The following FRMPD2 variants were observed in gnomAD, a reference collection of about 807,000 sequenced individuals.
The protein encoded by FRMPD2 is FERM and PDZ domain containing 2.
FRMPD2 carries 96 observed loss-of-function variants against 140.1 expected under a neutral mutation model. The observed-to-expected ratio is 0.69, with a 90% confidence interval of 0.58 to 0.81. The LOEUF (loss-of-function observed/expected upper bound fraction) is 0.81. FRMPD2 is among the 40% of genes least tolerant of loss of function. The pLI is 0.00. For synonymous variants in FRMPD2, 449 were observed against 547.6 expected (o/e 0.82, Z 2.52); for missense variants, 1,240 against 1,447.4 (o/e 0.86, Z 2.32).
chr10:48,247,999 G>A (rs1458368219), intron 3 of FRMPD2, among the ~76,000 whole-genome samples: 1 of 152,192 alleles, frequency 6.6e-6, no homozygotes, highest in Non-Finnish European at 1.5e-5. Context: ...TTTCACTTTT[G>A]TGGGCTGACT....
At chr10:48,210,775 G>A (rs992985105) in intron 13 of FRMPD2, among the ~76,000 whole-genome samples, 18 of 152,344 alleles carry the variant, frequency 1.2e-4, no homozygotes, top group African/African-American at 3.8e-4. Context: ...ATGACCAGCT[G>A]AAAAGCAAAG....
At chr10:48,186,808 G>A (rs1435067469) in intron 17 of FRMPD2, among the ~76,000 whole-genome samples, 1 of 152,228 alleles carries the variant, frequency 6.6e-6, no homozygotes, top group African/African-American at 2.4e-5. Context: ...TGGCCAGGAG[G>A]ATGCATGGCT....
rs780280546 is a variant in FRMPD2, at chr10:48,212,002, C to T, written c.1563G>A (p.Arg521=). The change falls in exon 13 of 29, where the codon CGG becomes CGA. Residue 521 remains arginine (R), a synonymous_variant. Coordinates refer to ENST00000374201, the MANE Select transcript of FRMPD2 (RefSeq NM_001018071.4). ...RVQVEVSEMH[R]LSSALWGEDA... Reference sequence around the variant, plus strand: ...CCTCTCCCCACAGTGCAGAGCTGAGCCGGTGCATCTCTGAGACTTCAACCT... The same window carrying T: ...CCTCTCCCCACAGTGCAGAGCTGAGTCGGTGCATCTCTGAGACTTCAACCT... 1.2e-6 allele frequency: 2 copies of T among 1,614,062 alleles called. No individual in the cohort carries two copies. The highest frequency in any genetic ancestry group is 1.1e-5 in the South Asian group (1 of 91,058).
chr10:48,222,294 C>T lies in FRMPD2; in HGVS notation c.1455+19G>A. On this transcript the variant is annotated intron_variant, in intron 12 of 28. Coordinates refer to ENST00000374201, the MANE Select transcript of FRMPD2 (RefSeq NM_001018071.4). Reference sequence around the variant, plus strand: ...TTTTCCAGTGACCCCACACAAAGGCCCCTGGTGTTCACCCCTACCTCCTTA... The same window carrying T: ...TTTTCCAGTGACCCCACACAAAGGCTCCTGGTGTTCACCCCTACCTCCTTA... 1 of 1,610,726 alleles carries T rather than the reference C, an allele frequency of 6.2e-7. No individual in the cohort carries two copies. The highest frequency in any genetic ancestry group is 8.5e-7 in the Non-Finnish European group (1 of 1,178,798).
At chr10:48,272,395 A>G (rs1190268844) in intron 1 of FRMPD2, among the ~76,000 whole-genome samples, 2 of 152,200 alleles carry the variant, frequency 1.3e-5, no homozygotes, top group Non-Finnish European at 2.9e-5. Context: ...TATTATAAAA[A>G]TCTCCAATTA....
intron 28 of FRMPD2, among the ~76,000 whole-genome samples, chr10:48,159,747 C>T (rs1379433894): frequency 5.9e-5 from 9 of 151,506 alleles, no homozygotes; most frequent in Middle Eastern, 3.2e-3. Context: ...GTTGAACTTA[C>T]GTGCATTTTA....
intron 16 of FRMPD2, 57 bp downstream of exon 16, chr10:48,192,627 T>G (rs1461157973): frequency 6.9e-7 from 1 of 1,443,808 alleles, no homozygotes; most frequent in Non-Finnish European, 9.7e-7. Context: ...TACAGATCAC[T>G]GCAAACCATC....
chr10:48,166,636 G>GT (rs1473058232), intron 27 of FRMPD2, among the ~76,000 whole-genome samples: 1 of 95,648 alleles, frequency 1.0e-5, no homozygotes, highest in African/African-American at 4.3e-5. Flanking sequence ...AAACATCCAA[G>GT]TGGGTTCCCA....
intron 14 of FRMPD2, among the ~76,000 whole-genome samples, chr10:48,202,348 T>G (rs1416679074): frequency 6.6e-6 from 1 of 152,190 alleles, no homozygotes; most frequent in Non-Finnish European, 1.5e-5. Flanking sequence ...CTCTTTTAAT[T>G]CCTGATAGTC....
In FRMPD2 at chr10:48,222,402, G is replaced by A; in HGVS notation, c.1366C>T (p.Leu456=). The change falls in exon 12 of 29, where the codon CTG becomes TTG. Residue 456 remains leucine (L), a synonymous_variant. Coordinates refer to ENST00000374201, the MANE Select transcript of FRMPD2 (RefSeq NM_001018071.4). Reference sequence around the variant, plus strand: ...TCATTGCAGTACAGCCTCTCCTCCAGGATATCTTTCCGAAGCTGCAGGTAA... The same window carrying A: ...TCATTGCAGTACAGCCTCTCCTCCAAGATATCTTTCCGAAGCTGCAGGTAA... ...QFYLQLRKDI[L]EERLYCNEEI... The A allele has an allele frequency of 6.2e-7, 1 of 1,614,132 alleles. No homozygotes were observed. The highest frequency in any genetic ancestry group is 8.5e-7 in the Non-Finnish European group (1 of 1,179,976).
chr10:48,239,443 C>T (rs1458838596), intron 7 of FRMPD2, among the ~76,000 whole-genome samples, 162 bp downstream of exon 7: 3 of 152,222 alleles, frequency 2.0e-5, no homozygotes, highest in Non-Finnish European at 2.9e-5. Context: ...GGCTTCGGAT[C>T]TGCTTAAATG....
chr10:48,273,817 CTATA>C (rs1188550689), intron 1 of FRMPD2, among the ~76,000 whole-genome samples: 439 of 151,924 alleles, frequency 2.9e-3, no homozygotes, highest in African/African-American at 0.01. Flanking sequence ...CAGCTACAGC[CTATA>C]GCAAATCACA....
rs367828838 is a variant in FRMPD2, at chr10:48,181,749, T to G, written c.2585-741A>C. 7.7e-4 allele frequency among the ~76,000 whole-genome samples: 117 copies of G among 151,606 alleles called. No homozygotes were observed. In the East Asian group the frequency reaches 0.013, roughly 17 times the overall value. ...AAAGTAGAGATAATATCAATATCAATAATATTGTAGAGTTGGTGAGGCTTA... is the reference window on the plus strand; with the variant it reads ...AAAGTAGAGATAATATCAATATCAAGAATATTGTAGAGTTGGTGAGGCTTA... On this transcript the variant is annotated intron_variant, in intron 20 of 28. Coordinates refer to ENST00000374201, the MANE Select transcript of FRMPD2 (RefSeq NM_001018071.4).
At chr10:48,192,342 G>A (rs1192771761) in intron 16 of FRMPD2, among the ~76,000 whole-genome samples, 1 of 152,118 alleles carries the variant, frequency 6.6e-6, no homozygotes, top group African/African-American at 2.4e-5. Context: ...AGCACTTTGG[G>A]AGGCCGAGGA....
chr10:48,270,003 C>G (rs754810309), intron 1 of FRMPD2, among the ~76,000 whole-genome samples: 2 of 152,120 alleles, frequency 1.3e-5, no homozygotes, highest in Admixed American at 6.5e-5. Flanking sequence ...AGCTATACAG[C>G]CAGCTGGGAT....
chr10:48,245,172 A>G (rs1344682657), intron 3 of FRMPD2, among the ~76,000 whole-genome samples: 1 of 152,194 alleles, frequency 6.6e-6, no homozygotes, highest in Non-Finnish European at 1.5e-5. Context: ...TCCTGCCTTC[A>G]AAATTGATGT....
intron 1 of FRMPD2, among the ~76,000 whole-genome samples, chr10:48,269,335 C>A (rs1840729470): frequency 6.6e-6 from 1 of 152,186 alleles, no homozygotes; most frequent in Non-Finnish European, 1.5e-5. Context: ...CAAGTCCCAG[C>A]AATGCCAATT....
chr10:48,207,602 G>T (rs997639696), intron 13 of FRMPD2, among the ~76,000 whole-genome samples: 1 of 152,204 alleles, frequency 6.6e-6, no homozygotes, highest in Admixed American at 6.5e-5. Context: ...CTTCTTAAGA[G>T]ACCAAAGTAT....
chr10:48,216,647 A>T (rs1839457890), intron 12 of FRMPD2, among the ~76,000 whole-genome samples: 1 of 152,216 alleles, frequency 6.6e-6, no homozygotes. Flanking sequence ...GAAAGCTTGC[A>T]AGCAGCAGTT....
Sources: allele counts gnomAD v4.1 joint callset (sites outside exome capture counted in the v4.1 genomes callset), GRCh38; gene constraint gnomAD v4.1.1; transcripts MANE v1.5; gene names NCBI Gene and HGNC (gene_info 2026-07-23, HGNC 2026-07-21).